ORC2: variants seen among roughly 807,000 people sequenced by gnomAD.
ORC2 encodes the protein origin recognition complex protein 2 homolog.
A neutral mutation model predicts 77.7 loss-of-function variants in ORC2; 37 were observed. The observed-to-expected ratio is 0.48, with a 90% CI of 0.37 to 0.63. ORC2 has a LOEUF of 0.63. ORC2 is among the 20% of genes least tolerant of loss of function. The pLI is 0.00. For missense variants in ORC2, 557 were observed against 661.9 expected (o/e 0.84, Z 1.74); for synonymous variants, 201 against 229.5 (o/e 0.88, Z 1.12).
Position 200,909,226 on chromosome 2 carries a change from A to G in ORC2, c.*2075T>C, listed in dbSNP as rs912267599. ...AGGAGAAAGACAGATACTTTTACAT[A>G]TGCATAGACGATATCTGGAAGAATA... is the stretch of plus-strand genomic sequence containing the variant. On this transcript the variant is annotated 3_prime_UTR_variant, in exon 18 of 18. Transcript: ENST00000234296. The G allele has an allele frequency of 6.6e-6, 1 of 152,224 alleles. No homozygotes were observed. The highest frequency in any genetic ancestry group is 1.5e-5 in the Non-Finnish European group (1 of 68,042). 9.4% of individuals were successfully genotyped at this position (152,224 alleles called of 1,614,324 possible). A position where few individuals can be genotyped will look rare whatever the true frequency, so the allele number is the denominator to read the frequency against.
At chr2:200,951,669 AAAG>A (rs2041359358) in intron 4 of ORC2, among the ~76,000 whole-genome samples, 1 of 152,218 alleles carries the variant, frequency 6.6e-6, no homozygotes, top group African/African-American at 2.4e-5. Flanking sequence ...CCTTGGTAAT[AAAG>A]AATAAAAATA....
At chr2:200,920,736 G>C (rs1333271726) in intron 14 of ORC2, among the ~76,000 whole-genome samples, 2 of 152,102 alleles carry the variant, frequency 1.3e-5, no homozygotes, top group East Asian at 3.8e-4. Context: ...AGAAGAGAAA[G>C]AGACCAAAAT....
Position 200,963,619 on chromosome 2 carries a change from A to G in ORC2, c.-189T>C. On this transcript the variant is annotated 5_prime_UTR_variant, in exon 1 of 18. Transcript: ENST00000234296. ...GCCAATTTCCAGTAATTCGCGCCCGACCACCGGGGAGGTAAGGAGCACCGG... is the reference window on the plus strand; with the variant it reads ...GCCAATTTCCAGTAATTCGCGCCCGGCCACCGGGGAGGTAAGGAGCACCGG... The G allele has an allele frequency of 2.5e-6, 1 of 398,488 alleles. No individual in the cohort carries two copies. Among genetic ancestry groups the G allele is most frequent in the Non-Finnish European group, 4.4e-6 (1 of 226,006 alleles). 24.7% of individuals were successfully genotyped at this position (398,488 alleles called of 1,614,324 possible). A position where few individuals can be genotyped will look rare whatever the true frequency, so the allele number is the denominator to read the frequency against.
chr2:200,946,594 C>T (rs532843556), intron 5 of ORC2, among the ~76,000 whole-genome samples: 3 of 152,166 alleles, frequency 2.0e-5, no homozygotes, highest in East Asian at 1.9e-4. Flanking sequence ...GACAGAAATG[C>T]GCAGAATGAG....
At chr2:200,957,062 C>T (rs920120095) in intron 4 of ORC2, among the ~76,000 whole-genome samples, 8 of 152,094 alleles carry the variant, frequency 5.3e-5, no homozygotes, top group Non-Finnish European at 1.2e-4. Flanking sequence ...GCATGTGGGG[C>T]TTAAAACCTA....
chr2:200,943,784 C>CTA (rs1310962423), intron 5 of ORC2, among the ~76,000 whole-genome samples: 3 of 151,346 alleles, frequency 2.0e-5, no homozygotes, highest in African/African-American at 7.3e-5. Context: ...CTTCGGTCTT[C>CTA]TATATGATTC....
chr2:200,936,480 A>G (rs1027579358), intron 8 of ORC2, among the ~76,000 whole-genome samples: 2 of 152,202 alleles, frequency 1.3e-5, no homozygotes, highest in African/African-American at 2.4e-5. Context: ...TCAAACCTAA[A>G]GATGAAAAAT....
intron 4 of ORC2, among the ~76,000 whole-genome samples, chr2:200,955,012 G>A (rs1026283555): frequency 4.6e-5 from 7 of 152,270 alleles, no homozygotes; most frequent in African/African-American, 1.4e-4. Context: ...CCAGTAGCAG[G>A]GGTAGGGTTA....
intron 7 of ORC2, 82 bp downstream of exon 7, chr2:200,941,165 AT>A: frequency 5.4e-6 from 6 of 1,115,196 alleles, no homozygotes; most frequent in Non-Finnish European, 8.0e-6. Flanking sequence ...TAAGAGATCA[AT>A]TTTTTCATTG....
At chr2:200,933,000 T>C (rs896999986) in intron 10 of ORC2, among the ~76,000 whole-genome samples, 2 of 152,208 alleles carry the variant, frequency 1.3e-5, no homozygotes, top group African/African-American at 4.8e-5. Flanking sequence ...GTTTCTTTCA[T>C]CCTCCTAGAG....
At chr2:200,926,126 A>C (rs1365870897) in intron 12 of ORC2, among the ~76,000 whole-genome samples, 194 bp from the exon 13 acceptor site, 1 of 152,218 alleles carries the variant, frequency 6.6e-6, no homozygotes, top group Non-Finnish European at 1.5e-5. Context: ...TGGCTAAAAG[A>C]AAACAGAAAA....
intron 10 of ORC2, among the ~76,000 whole-genome samples, chr2:200,932,215 A>AAAAGCAGAG (rs1213553601): frequency 2.6e-5 from 4 of 152,206 alleles, no homozygotes; most frequent in Non-Finnish European, 4.4e-5. Context: ...AGAGCCCTGA[A>AAAAGCAGAG]AAAGCAGAGA....
chr2:200,930,037 T>G (rs2040911727), intron 11 of ORC2, among the ~76,000 whole-genome samples: 1 of 152,008 alleles, frequency 6.6e-6, no homozygotes, highest in African/African-American at 2.4e-5. Context: ...AACAGTTACA[T>G]GAGTCATTCA....
intron 13 of ORC2, among the ~76,000 whole-genome samples, chr2:200,923,414 A>G (rs1306474506): frequency 6.6e-6 from 1 of 151,890 alleles, no homozygotes; most frequent in African/African-American, 2.4e-5. Flanking sequence ...AGGACCGGCT[A>G]GTTTTTTGTA....
At chr2:200,929,811 A>G (rs1451508434) in intron 11 of ORC2, among the ~76,000 whole-genome samples, 1 of 152,010 alleles carries the variant, frequency 6.6e-6, no homozygotes, top group East Asian at 1.9e-4. Context: ...AAAAAAAAGA[A>G]TGACTCAGTT....
At position 200,910,422 on chromosome 2, in the gene ORC2, C is replaced by T. The variant is rs1220137786; in HGVS notation, c.*879G>A. On this transcript the variant is annotated 3_prime_UTR_variant, in exon 18 of 18. Transcript: ENST00000234296. ...AGAGGAATCAAAATTAATTTACAGC[C>T]AGCCATTAATATGCTACTCACCTGC... 2.0e-5 allele frequency: 3 copies of T among 152,146 alleles called. No homozygotes were observed. Among genetic ancestry groups the T allele is most frequent in the Non-Finnish European group, 4.4e-5 (3 of 68,042 alleles). 9.4% of individuals were successfully genotyped at this position (152,146 alleles called of 1,614,324 possible). A position where few individuals can be genotyped will look rare whatever the true frequency, so the allele number is the denominator to read the frequency against.
rs1251276000 is a variant in ORC2, at chr2:200,950,578, G to A, written c.239-935C>T. Among the ~76,000 whole-genome samples, 3 of 152,136 alleles carry A rather than the reference G, an allele frequency of 2.0e-5. No homozygotes were observed. The East Asian group carries it at 5.8e-4, about 29-fold the overall frequency. ...GTGTACAGTGAGGTATGCCAGAGAC[G>A]ACATGATGTGATAACAAGTTACCAT... On this transcript the variant is annotated intron_variant, in intron 4 of 17. Coordinates refer to ENST00000234296, the MANE Select transcript of ORC2 (RefSeq NM_006190.5).
At chr2:200,961,263 C>G (rs1361330852) in intron 1 of ORC2, among the ~76,000 whole-genome samples, 1 of 152,102 alleles carries the variant, frequency 6.6e-6, no homozygotes, top group Non-Finnish European at 1.5e-5. Context: ...CAGCTCACTG[C>G]AACATCTCAC....
chr2:200,925,503 G>A (rs2040825823), intron 13 of ORC2, among the ~76,000 whole-genome samples: 1 of 152,164 alleles, frequency 6.6e-6, no homozygotes, highest in Non-Finnish European at 1.5e-5. Flanking sequence ...CCTTTGGGAG[G>A]CCAAGGCAGG....
Sources: allele counts gnomAD v4.1 joint callset (sites outside exome capture counted in the v4.1 genomes callset), GRCh38; gene constraint gnomAD v4.1.1; transcripts MANE v1.5; gene names NCBI Gene and HGNC (gene_info 2026-07-23, HGNC 2026-07-21).